The following ADGRE3 variants were observed in gnomAD, a reference collection of about 807,000 sequenced individuals.
ADGRE3 encodes adhesion G protein-coupled receptor E3.
In ADGRE3, 88 loss-of-function variants were observed where a neutral mutation model predicts 80.1. That is an observed-to-expected ratio of 1.10 (90% CI 0.93 to 1.31). The LOEUF (loss-of-function observed/expected upper bound fraction) is 1.31. Ranked by LOEUF, ADGRE3 falls within the 40% of genes most tolerant of loss-of-function variation. The probability of loss-of-function intolerance (pLI) is 0.00; values close to 1 mark genes in which losing one functional copy is unlikely to be tolerated. For synonymous variants in ADGRE3, 281 were observed against 294.8 expected (o/e 0.95, Z 0.48); for missense variants, 715 against 776.5 (o/e 0.92, Z 0.94).
chr19:14,643,947 G>A (rs995611214), intron 9 of ADGRE3, among the ~76,000 whole-genome samples, 161 bp downstream of exon 9: 2 of 151,852 alleles, frequency 1.3e-5, no homozygotes, highest in African/African-American at 4.8e-5. Flanking sequence ...TTGACCTCAG[G>A]TGATCTGCCC....
At chr19:14,605,246 A>C in the ADGRE3 span, among the ~76,000 whole-genome samples, 51,423 of 151,800 alleles carry the variant, frequency 0.34, 9,164 homozygotes, top group African/African-American at 0.45. Context: ...TACAGGCATG[A>C]CACCACGCCT....
At chr19:14,602,539 C>G in the ADGRE3 span, among the ~76,000 whole-genome samples, 2 of 150,992 alleles carry the variant, frequency 1.3e-5, no homozygotes, top group Non-Finnish European at 3.0e-5. Context: ...AGTGATCTGC[C>G]GCCTTCACCT....
intron 11 of ADGRE3, among the ~76,000 whole-genome samples, chr19:14,633,722 AT>A (rs956357755): frequency 1.2e-4 from 17 of 147,260 alleles, no homozygotes; most frequent in African/African-American, 4.1e-4. Flanking sequence ...ATAAAATAAA[AT>A]AAAATAAAAT....
At chr19:14,654,359 A>T (rs1971693004) in intron 6 of ADGRE3, among the ~76,000 whole-genome samples, 1 of 150,258 alleles carries the variant, frequency 6.7e-6, no homozygotes, top group South Asian at 2.1e-4. Context: ...AAACTCCTGG[A>T]CTCAAGCCAT....
At chr19:14,645,659 A>G (rs954079829) in intron 8 of ADGRE3, among the ~76,000 whole-genome samples, 1 of 150,930 alleles carries the variant, frequency 6.6e-6, no homozygotes, top group Non-Finnish European at 1.5e-5. Flanking sequence ...CGACTCAAAA[A>G]AAGAAAAAAA....
In ADGRE3 at chr19:14,647,221, G is replaced by A. The variant is rs774415927; in HGVS notation, c.842C>T (p.Ser281Phe). 41 of 1,613,970 alleles carry A rather than the reference G, an allele frequency of 2.5e-5. No individual in the cohort carries two copies. The highest frequency in any genetic ancestry group is 3.2e-5 in the Non-Finnish European group (38 of 1,179,976). Reference protein sequence around the residue: ...SAAIGPKRNVSLSKSVTLTFQ... With the variant: ...SAAIGPKRNVFLSKSVTLTFQ... ...AGTCAGCGTCACAGACTTGGAGAGA[G>A]ACACGTTCCTTTTGGGTCCAATAGC... The change falls in exon 8 of 16, where the codon TCT becomes TTT. Residue 281 changes from serine to phenylalanine, a missense_variant. Transcript: ENST00000253673.
rs71309616 is a variant in ADGRE3 at position 14,665,936 on chromosome 19, GTATATATATATA to G, written c.77-2408_77-2397del. On this transcript the variant is annotated intron_variant, in intron 2 of 15. Transcript: ENST00000253673. ...ATATATTGCATATACACACATATGTGTATATATATATATATATATATATATATATATATATAT... is the reference window on the plus strand; with the variant it reads ...ATATATTGCATATACACACATATGTGTATATATATATATATATATATATAT... Among the ~76,000 whole-genome samples the G allele has an allele frequency of 6.9e-4, 29 of 42,098 alleles. 6 individuals carry two copies. The highest frequency in any genetic ancestry group is 1.9e-3 in the Admixed American group (6 of 3,094). 27.6% of individuals were successfully genotyped at this position (42,098 alleles called of 152,430 possible). A position where few individuals can be genotyped will look rare whatever the true frequency, so the allele number is the denominator to read the frequency against.
chr19:14,656,496 C>G (rs1249966168), intron 5 of ADGRE3, among the ~76,000 whole-genome samples: 2 of 151,892 alleles, frequency 1.3e-5, no homozygotes, highest in African/African-American at 4.8e-5. Flanking sequence ...TATAGTCAGG[C>G]TGAGGAGGCG....
chr19:14,658,472 T>A (rs375981296), intron 5 of ADGRE3, 41 bp downstream of exon 5: 24 of 1,485,072 alleles, frequency 1.6e-5, no homozygotes, highest in Middle Eastern at 3.5e-4. Flanking sequence ...GTTACTGATG[T>A]TTGTTACCTG....
intron 9 of ADGRE3, among the ~76,000 whole-genome samples, chr19:14,642,925 T>C (rs534034790): frequency 4.6e-5 from 7 of 152,304 alleles, no homozygotes; most frequent in African/African-American, 1.7e-4. Flanking sequence ...GAATGATTTA[T>C]ATTCCTTTGG....
intron 11 of ADGRE3, among the ~76,000 whole-genome samples, chr19:14,637,082 G>A (rs560167739): frequency 7.1e-4 from 108 of 152,108 alleles, no homozygotes; most frequent in African/African-American, 2.3e-3. Flanking sequence ...CAACAAGAGC[G>A]AAACTCTGTC....
At chr19:14,654,882 G>T in intron 6 of ADGRE3, 100 bp downstream of exon 6, 2 of 817,490 alleles carry the variant, frequency 2.4e-6, no homozygotes, top group Non-Finnish European at 3.8e-6. Context: ...TACATAAAGG[G>T]ACTCATGTGG....
At chr19:14,668,726 G>T (rs1312061891) in intron 2 of ADGRE3, 76 bp downstream of exon 2, 6 of 1,255,422 alleles carry the variant, frequency 4.8e-6, no homozygotes, top group Non-Finnish European at 5.8e-6. Context: ...CTTTTCTCCA[G>T]CCCACTGGAG....
chr19:14,600,993 C>T, the ADGRE3 span, among the ~76,000 whole-genome samples: 4 of 149,142 alleles, frequency 2.7e-5, no homozygotes, highest in South Asian at 2.1e-4. Flanking sequence ...ACCTCTGCCT[C>T]CCGGGTTCAA....
At position 14,665,967 on chromosome 19, in the gene ADGRE3, T is replaced by C. The variant is rs917216796; in HGVS notation, c.77-2427A>G. ...ATATATATATATATATATATATATA[T>C]ATATATATATAGTGTTTTCTTTATC... On this transcript the variant is annotated intron_variant, in intron 2 of 15. Transcript: ENST00000253673. 3.7e-4 allele frequency among the ~76,000 whole-genome samples: 48 copies of C among 129,944 alleles called. 2 individuals are homozygous for C. Among genetic ancestry groups the C allele is most frequent in the African/African-American group, 7.6e-4 (28 of 36,698 alleles). 85.2% of individuals were successfully genotyped at this position (129,944 alleles called of 152,430 possible).
downstream of ADGRE3, among the ~76,000 whole-genome samples, chr19:14,616,093 G>A (rs1019502828): frequency 4.6e-5 from 7 of 151,552 alleles, no homozygotes; most frequent in South Asian, 4.2e-4. Flanking sequence ...CACCACACCC[G>A]GCTAATTTTT....
At chr19:14,644,662 T>C (rs1018825858) in intron 8 of ADGRE3, among the ~76,000 whole-genome samples, 7 of 152,180 alleles carry the variant, frequency 4.6e-5, no homozygotes, top group Non-Finnish European at 7.4e-5. Context: ...GTTCTCAGTG[T>C]TGGCCTATGC....
In ADGRE3 at chr19:14,647,225, C is replaced by T. The variant is rs200966967; in HGVS notation, c.838G>A (p.Val280Met). ...VSAAIGPKRN[V>M]SLSKSVTLTF... is the part of the protein sequence containing the mutation. Reference sequence around the variant, plus strand: ...AGCGTCACAGACTTGGAGAGAGACACGTTCCTTTTGGGTCCAATAGCAGCA... The same window carrying T: ...AGCGTCACAGACTTGGAGAGAGACATGTTCCTTTTGGGTCCAATAGCAGCA... The change falls in exon 8 of 16, where the codon GTG becomes ATG. Residue 280 changes from valine (V) to methionine (M), a missense_variant. By Grantham distance (21) the Val-to-Met change is conservative (BLOSUM62 1). Coordinates refer to ENST00000253673, the MANE Select transcript of ADGRE3 (RefSeq NM_032571.5). The T allele has an allele frequency of 1.9e-5, 31 of 1,613,842 alleles. No homozygotes were observed. The highest frequency in any genetic ancestry group is 4.4e-5 in the South Asian group (4 of 91,084).
At chr19:14,645,053 C>T (rs553413791) in intron 8 of ADGRE3, among the ~76,000 whole-genome samples, 21 of 152,070 alleles carry the variant, frequency 1.4e-4, no homozygotes, top group Non-Finnish European at 2.4e-4. Flanking sequence ...CCAGGACCCC[C>T]GATCCATAAC....
Sources: gnomAD v4.1 joint callset for allele counts (sites outside exome capture counted in the v4.1 genomes callset) on GRCh38, gnomAD v4.1.1 for gene constraint, MANE v1.5 for transcripts, NCBI Gene and HGNC (gene_info 2026-07-23, HGNC 2026-07-21) for gene names.